CNBD1: variants seen among roughly 807,000 people sequenced by gnomAD.
CNBD1 encodes cyclic nucleotide binding domain containing 1.
A neutral mutation model predicts 54.4 loss-of-function variants in CNBD1; 71 were observed. The observed-to-expected ratio is 1.30, with a 90% CI of 1.08 to 1.59. CNBD1 has a LOEUF of 1.59. Among genes scored for constraint, CNBD1 ranks in the 40% most tolerant of loss-of-function variants. The pLI is 0.00. For missense variants in CNBD1, 659 were observed against 518.0 expected, an observed-to-expected ratio of 1.27 and a Z score of -2.64; for synonymous variants, 182 against 170.7, an observed-to-expected ratio of 1.07 and a Z score of -0.51.
intron 4 of CNBD1, among the ~76,000 whole-genome samples, chr8:87,146,208 G>A (rs533957858): frequency 6.6e-6 from 1 of 152,008 alleles, no homozygotes; most frequent in Non-Finnish European, 1.5e-5. Flanking sequence ...GAGATAAAAT[G>A]TCTTGCTAGT....
intron 4 of CNBD1, among the ~76,000 whole-genome samples, chr8:87,031,787 C>A (rs1374335564): frequency 6.6e-6 from 1 of 152,174 alleles, no homozygotes; most frequent in African/African-American, 2.4e-5. Flanking sequence ...ATCACCCAGG[C>A]TGGAGTTCAG....
chr8:87,224,248 T>G (rs1384882524), intron 5 of CNBD1, among the ~76,000 whole-genome samples: 7 of 150,292 alleles, frequency 4.7e-5, no homozygotes, highest in East Asian at 3.9e-4. Context: ...TTAGTTTAAT[T>G]AGATCCCATT....
At position 87,058,048 on chromosome 8, in the gene CNBD1, A is replaced by G. The variant is rs80092445; in HGVS notation, c.431+118294A>G. ...TACTAGATACAATGGGGATACAGGC[A>G]TTGAGGAAATACACCCATTCCAAAT... is the stretch of plus-strand genomic sequence containing the variant. On this transcript the variant is annotated intron_variant, in intron 4 of 10. Transcript: ENST00000518476. Among the ~76,000 whole-genome samples, 1,439 of 152,320 alleles carry G rather than the reference A, an allele frequency of 9.4e-3. 9 individuals are homozygous for G. Among genetic ancestry groups the G allele is most frequent in the Admixed American group, 0.014 (212 of 15,298 alleles).
intron 4 of CNBD1, among the ~76,000 whole-genome samples, chr8:86,973,204 T>A (rs1452381577): frequency 6.6e-6 from 1 of 152,228 alleles, no homozygotes; most frequent in Non-Finnish European, 1.5e-5. Flanking sequence ...TGGGCTGCTA[T>A]TTCATGTGCC....
chr8:87,165,669 G>T (rs942787251), intron 4 of CNBD1, among the ~76,000 whole-genome samples: 5 of 151,778 alleles, frequency 3.3e-5, no homozygotes, highest in Admixed American at 3.3e-4. Context: ...TCTAGTAGGC[G>T]CATATAGTTG....
intron 2 of CNBD1, among the ~76,000 whole-genome samples, chr8:87,397,763 T>C (rs944026328): frequency 6.6e-6 from 1 of 152,028 alleles, no homozygotes; most frequent in Non-Finnish European, 1.5e-5. Context: ...TCTCATTTTG[T>C]AGCTCCCATA....
At chr8:87,360,041 A>G (rs1010452927) in intron 10 of CNBD1, among the ~76,000 whole-genome samples, 6 of 152,042 alleles carry the variant, frequency 3.9e-5, no homozygotes, top group Non-Finnish European at 7.4e-5. Context: ...TTCTCCAGGT[A>G]TATGGGTTAT....
At chr8:87,018,476 C>A (rs1164722321) in intron 4 of CNBD1, among the ~76,000 whole-genome samples, 1 of 152,032 alleles carries the variant, frequency 6.6e-6, no homozygotes, top group Non-Finnish European at 1.5e-5. Context: ...CAAATTAAAT[C>A]ATTATTTCTT....
At chr8:86,884,176 C>CAAAACA (rs1808647612) in intron 1 of CNBD1, among the ~76,000 whole-genome samples, 1 of 149,648 alleles carries the variant, frequency 6.7e-6, no homozygotes, top group Non-Finnish European at 1.5e-5. Flanking sequence ...CAAAACAAAA[C>CAAAACA]AAAAAAACCT....
intron 4 of CNBD1, among the ~76,000 whole-genome samples, chr8:87,195,118 C>T (rs1231642382): frequency 6.6e-6 from 1 of 151,932 alleles, no homozygotes; most frequent in South Asian, 2.1e-4. Flanking sequence ...CTCCTGACCT[C>T]ATGATCCACC....
At chr8:87,387,221 C>T (rs1464873157), downstream of CNBD1, among the ~76,000 whole-genome samples, 1 of 152,116 alleles carries the variant, frequency 6.6e-6, no homozygotes, top group African/African-American at 2.4e-5. Flanking sequence ...AACCAGCTAA[C>T]ATCGTAATGA....
chr8:86,933,197 C>A (rs7832955), intron 3 of CNBD1, among the ~76,000 whole-genome samples: 80,901 of 151,882 alleles, frequency 0.53, 21,779 homozygotes, highest in South Asian at 0.6. Context: ...CATATCCTAG[C>A]TTCGGGAATA....
chr8:87,183,339 G>A (rs1181194474), intron 4 of CNBD1, among the ~76,000 whole-genome samples: 5 of 148,998 alleles, frequency 3.4e-5, no homozygotes, highest in Admixed American at 6.7e-5. Context: ...GATACCTTCA[G>A]CTTTGTTTTC....
intron 8 of CNBD1, among the ~76,000 whole-genome samples, chr8:87,347,227 C>T (rs932773163): frequency 2.6e-5 from 4 of 152,090 alleles, no homozygotes; most frequent in African/African-American, 9.7e-5. Flanking sequence ...AATATTTTAT[C>T]CAGAATTTTT....
intron 5 of CNBD1, among the ~76,000 whole-genome samples, chr8:87,232,065 A>G (rs185714873): frequency 2.6e-5 from 4 of 152,264 alleles, no homozygotes; most frequent in East Asian, 1.9e-4. Flanking sequence ...TCCAATCAAC[A>G]TAATGCTTCT....
intron 4 of CNBD1, among the ~76,000 whole-genome samples, chr8:87,101,449 A>G (rs1297595731): frequency 1.3e-5 from 2 of 152,062 alleles, no homozygotes; most frequent in Admixed American, 1.3e-4. Context: ...ATAAATATAT[A>G]TATATATGTC....
chr8:87,182,667 T>C lies in CNBD1; in HGVS notation c.432-23326T>C, dbSNP rs1420082935. On this transcript the variant is annotated intron_variant, in intron 4 of 10. Transcript: ENST00000518476. This position sits in a 1 kb window ranked among gnomAD's most constrained non-coding sequence, Gnocchi z 4.1. ...TGGTGATGTTGAGCATTTTTTCATA[T>C]GTTTGCTGCCTGAATGTATGTCTTC... Among the ~76,000 whole-genome samples the C allele has an allele frequency of 6.6e-6, 1 of 152,182 alleles. No individual in the cohort carries two copies. Among genetic ancestry groups the C allele is most frequent in the East Asian group, 1.9e-4 (1 of 5,186 alleles).
intron 8 of CNBD1, among the ~76,000 whole-genome samples, chr8:87,308,747 C>T (rs1245261910): frequency 1.3e-5 from 2 of 152,088 alleles, no homozygotes; most frequent in Non-Finnish European, 2.9e-5. Flanking sequence ...ACCCTCTCCC[C>T]TGACCCTTCC....
chr8:86,922,158 A>T (rs1809284683), intron 3 of CNBD1, among the ~76,000 whole-genome samples: 1 of 152,138 alleles, frequency 6.6e-6, no homozygotes, highest in African/African-American at 2.4e-5. Context: ...TGATTATCTA[A>T]ATGCTGTCAA....
Sources: allele counts gnomAD v4.1 joint callset (sites outside exome capture counted in the v4.1 genomes callset), GRCh38; gene constraint gnomAD v4.1.1; non-coding constraint Gnocchi (gnomAD v3.1); transcripts MANE v1.5; gene names NCBI Gene and HGNC (gene_info 2026-07-23, HGNC 2026-07-21).